CAPZB: variants seen among roughly 807,000 people sequenced by gnomAD.
CAPZB encodes F-actin-capping protein subunit beta.
In CAPZB, 2 loss-of-function variants were observed where a neutral mutation model predicts 38.1. The observed-to-expected ratio is 0.05, with a 90% CI of 0.02 to 0.17. CAPZB has a LOEUF of 0.17. CAPZB is among the 10% of genes least tolerant of loss of function. CAPZB has a pLI of 1.00. For missense variants in CAPZB, 161 were observed against 334.2 expected (o/e 0.48, Z 4.04); for synonymous variants, 107 against 127.4 (o/e 0.84, Z 1.08).
chr1:19,448,171 T>C (rs962538387), intron 1 of CAPZB, among the ~76,000 whole-genome samples: 5 of 152,276 alleles, frequency 3.3e-5, no homozygotes, highest in Admixed American at 3.3e-4. Context: ...GAAGCCAAAA[T>C]ATCTCCAAGC....
chr1:19,391,128 TCAG>T (rs1341078510), intron 2 of CAPZB, among the ~76,000 whole-genome samples: 2 of 151,226 alleles, frequency 1.3e-5, no homozygotes, highest in African/African-American at 4.9e-5. Flanking sequence ...GAGATACAAA[TCAG>T]AAGTTTCCGG....
chr1:19,431,556 C>G (rs2094441772), intron 1 of CAPZB, among the ~76,000 whole-genome samples: 1 of 149,332 alleles, frequency 6.7e-6, no homozygotes, highest in African/African-American at 2.4e-5. Context: ...CCCGTCTCTA[C>G]TAAAAATACA....
chr1:19,439,776 C>A (rs536023521), intron 1 of CAPZB, among the ~76,000 whole-genome samples: 18 of 152,376 alleles, frequency 1.2e-4, no homozygotes, highest in African/African-American at 4.3e-4. Flanking sequence ...CCTCGGCTGT[C>A]CCCTGGGGTT....
rs966752245 is a variant in CAPZB at position 19,357,019 on chromosome 1, G to A, written c.472-268C>T. The stretch of plus-strand genomic sequence containing the variant: ...TGGGATTATGGGCGCCCGCCACCAC[G>A]CCTGGCTAATGTTTTTTGTGTTTTT... On this transcript the variant is annotated intron_variant, in intron 5 of 8. Coordinates refer to ENST00000264202, the MANE Select transcript of CAPZB (RefSeq NM_004930.5). This position sits in a 1 kb window ranked among gnomAD's most constrained non-coding sequence, Gnocchi z 4.3. Among the ~76,000 whole-genome samples, 1 of 151,952 alleles carries A rather than the reference G, an allele frequency of 6.6e-6. No homozygotes were observed. Among genetic ancestry groups the A allele is most frequent in the African/African-American group, 2.4e-5 (1 of 41,350 alleles).
intron 3 of CAPZB, among the ~76,000 whole-genome samples, chr1:19,383,840 T>C (rs971930373): frequency 4.6e-5 from 7 of 152,002 alleles, no homozygotes; most frequent in African/African-American, 1.7e-4. Context: ...GTGGCTCAGG[T>C]CCGAAGCCTT....
chr1:19,393,494 G>A (rs912408571), intron 2 of CAPZB, among the ~76,000 whole-genome samples: 11 of 152,334 alleles, frequency 7.2e-5, no homozygotes, highest in Middle Eastern at 3.4e-3. Context: ...ACCCAGGCAC[G>A]GGGAAGCTGC....
intron 1 of CAPZB, among the ~76,000 whole-genome samples, chr1:19,422,096 G>A (rs771360124): frequency 6.6e-6 from 1 of 151,984 alleles, no homozygotes; most frequent in African/African-American, 2.4e-5. Flanking sequence ...AGTCAAACTC[G>A]TTAAAAGGTA....
chr1:19,400,841 G>C (rs970573712), intron 2 of CAPZB, among the ~76,000 whole-genome samples: 2 of 152,140 alleles, frequency 1.3e-5, no homozygotes, highest in African/African-American at 4.8e-5. Context: ...CCTGGCTCTA[G>C]GTGACAAGAG....
At chr1:19,369,331 T>C (rs917448898) in intron 4 of CAPZB, among the ~76,000 whole-genome samples, 3 of 152,350 alleles carry the variant, frequency 2.0e-5, no homozygotes. Context: ...TGAAACGCAC[T>C]GCGAGAGCAG....
chr1:19,379,988 A>T (rs1333086375), intron 3 of CAPZB, among the ~76,000 whole-genome samples: 1 of 152,116 alleles, frequency 6.6e-6, no homozygotes, highest in African/African-American at 2.4e-5. Flanking sequence ...CATCATTGTG[A>T]TGTGGAATGC....
rs1182225230 is a variant in CAPZB at position 19,457,929 on chromosome 1, T to C, written c.3+27507A>G. Among the ~76,000 whole-genome samples, 5 of 152,324 alleles carry C rather than the reference T, an allele frequency of 3.3e-5. No homozygotes were observed. The East Asian group carries it at 9.6e-4, about 29-fold the overall frequency. On this transcript the variant is annotated intron_variant, in intron 1 of 8. Coordinates refer to ENST00000264202, the MANE Select transcript of CAPZB (RefSeq NM_004930.5). ...GGGAAGTTACCCCCCTGCCATCTGA[T>C]GTTTAAGGAGTAAACAGCCAGTAAG...
chr1:19,342,931 G>C (rs2093939855), intron 8 of CAPZB: 1 of 962,318 alleles, frequency 1.0e-6, no homozygotes, highest in Admixed American at 1.7e-5. Context: ...GGAACGCAGG[G>C]GGCCACAGCT....
At chr1:19,363,214 T>C (rs1000638188) in intron 4 of CAPZB, among the ~76,000 whole-genome samples, 6 of 150,498 alleles carry the variant, frequency 4.0e-5, no homozygotes, top group African/African-American at 1.5e-4. Flanking sequence ...CCCAAGCAGC[T>C]GGGACCACAG....
chr1:19,445,218 C>T (rs750149066), intron 1 of CAPZB, among the ~76,000 whole-genome samples: 1 of 152,054 alleles, frequency 6.6e-6, no homozygotes, highest in Non-Finnish European at 1.5e-5. Context: ...GTGTTTTAAG[C>T]AAGTGGGAAT....
intron 6 of CAPZB, among the ~76,000 whole-genome samples, chr1:19,352,563 C>T (rs1400258608): frequency 6.6e-6 from 1 of 152,202 alleles, no homozygotes; most frequent in African/African-American, 2.4e-5. Flanking sequence ...CCTTTTTTCG[C>T]TTGCTCTACA....
intron 1 of CAPZB, among the ~76,000 whole-genome samples, chr1:19,463,024 A>C (rs1263098927): frequency 6.6e-6 from 1 of 152,222 alleles, no homozygotes. Context: ...TGCAAAGAGA[A>C]GATATCATTA....
At chr1:19,341,341 C>T (rs1387492946) in intron 8 of CAPZB, among the ~76,000 whole-genome samples, 1 of 152,076 alleles carries the variant, frequency 6.6e-6, no homozygotes, top group Admixed American at 6.5e-5. Flanking sequence ...GGAGATGCGG[C>T]GGGCAAAGCA....
At chr1:19,446,166 G>A (rs877012) in intron 1 of CAPZB, among the ~76,000 whole-genome samples, 34,368 of 152,180 alleles carry the variant, frequency 0.23, 4,372 homozygotes, top group Non-Finnish European at 0.28. Flanking sequence ...GCACTGCCAG[G>A]CTCGCTTTAA....
chr1:19,443,272 T>TGTA (rs1403477161), intron 1 of CAPZB, among the ~76,000 whole-genome samples: 1 of 151,692 alleles, frequency 6.6e-6, no homozygotes, highest in Admixed American at 6.6e-5. Context: ...AGCGCGTGCC[T>TGTA]GTAGTCCCAG....
Sources: gnomAD v4.1 joint callset for allele counts (sites outside exome capture counted in the v4.1 genomes callset) on GRCh38, gnomAD v4.1.1 for gene constraint, Gnocchi (gnomAD v3.1) non-coding constraint, MANE v1.5 for transcripts, NCBI Gene and HGNC (gene_info 2026-07-23, HGNC 2026-07-21) for gene names.